Variants in CCSER1 observed in about 807,000 individuals in gnomAD.
CCSER1 encodes coiled-coil serine rich protein 1.
Under a neutral mutation model 82.0 loss-of-function variants are expected in CCSER1, and 41 were observed. That is an observed-to-expected ratio of 0.50 (90% CI 0.39 to 0.65). The LOEUF (loss-of-function observed/expected upper bound fraction) is 0.65, where lower values mean the gene tolerates loss of function less well. CCSER1 is among the 30% of genes least tolerant of loss of function. The probability of loss-of-function intolerance (pLI) is 0.00; values close to 1 mark genes in which losing one functional copy is unlikely to be tolerated. For missense variants in CCSER1, 1,119 were observed against 1,064.2 expected (o/e 1.05, Z -0.72); for synonymous variants, 414 against 383.9 (o/e 1.08, Z -0.92).
intron 10 of CCSER1, among the ~76,000 whole-genome samples, chr4:91,296,457 A>G (rs1277304245): frequency 8.9e-6 from 1 of 112,536 alleles, no homozygotes; most frequent in African/African-American, 4.0e-5. Flanking sequence ...CATTATATAT[A>G]TATATATATG....
intron 4 of CCSER1, among the ~76,000 whole-genome samples, chr4:90,405,248 C>T (rs1259355871): frequency 6.6e-6 from 1 of 151,820 alleles, no homozygotes; most frequent in Admixed American, 6.6e-5. Flanking sequence ...ATCAAACAAG[C>T]AGAAGAAAGA....
At chr4:90,391,673 A>C (rs1373323265) in intron 3 of CCSER1, among the ~76,000 whole-genome samples, 2 of 151,456 alleles carry the variant, frequency 1.3e-5, no homozygotes, top group Non-Finnish European at 2.9e-5. Flanking sequence ...CAAATTATAA[A>C]TGAGAGTTGA....
At chr4:90,563,442 C>G (rs1210284459) in intron 5 of CCSER1, among the ~76,000 whole-genome samples, 1 of 152,024 alleles carries the variant, frequency 6.6e-6, no homozygotes, top group African/African-American at 2.4e-5. Flanking sequence ...AACGTCTTCT[C>G]CCCCATCCCT....
intron 10 of CCSER1, among the ~76,000 whole-genome samples, chr4:91,322,373 T>C (rs1357098343): frequency 6.6e-6 from 1 of 152,118 alleles, no homozygotes; most frequent in Non-Finnish European, 1.5e-5. Flanking sequence ...CTCTTCCCCA[T>C]ATCCTCTTTA....
At chr4:91,367,884 T>C (rs2149320253) in intron 10 of CCSER1, among the ~76,000 whole-genome samples, 1 of 152,310 alleles carries the variant, frequency 6.6e-6, no homozygotes, top group African/African-American at 2.4e-5. Context: ...ATGTCAGTCA[T>C]TCTCAAGAAA....
chr4:90,781,987 G>GT (rs1753837114), intron 7 of CCSER1: 10 of 880,466 alleles, frequency 1.1e-5, no homozygotes, highest in Non-Finnish European at 1.4e-5. Context: ...ATAAAATGAA[G>GT]AACATTTCTA....
intron 10 of CCSER1, among the ~76,000 whole-genome samples, chr4:91,122,632 A>T (rs1424386888): frequency 6.6e-6 from 1 of 151,806 alleles, no homozygotes; most frequent in East Asian, 1.9e-4. Flanking sequence ...ATAAATATAG[A>T]TCATATTCCG....
intron 6 of CCSER1, among the ~76,000 whole-genome samples, chr4:90,643,954 A>C (rs1260380804): frequency 1.3e-5 from 2 of 152,056 alleles, no homozygotes; most frequent in Non-Finnish European, 2.9e-5. Context: ...TTTGTTGCCC[A>C]GGTTGGTTTT....
chr4:90,895,968 T>A (rs149338900), intron 8 of CCSER1, among the ~76,000 whole-genome samples: 38 of 151,984 alleles, frequency 2.5e-4, no homozygotes, highest in African/African-American at 9.2e-4. Flanking sequence ...GATACAAAAC[T>A]GGAAGAGAGA....
intron 6 of CCSER1, among the ~76,000 whole-genome samples, chr4:90,712,893 T>C (rs902973718): frequency 1.3e-5 from 2 of 148,236 alleles, no homozygotes; most frequent in Non-Finnish European, 3.0e-5. Flanking sequence ...TTATATAATG[T>C]CCTTCGTCTC....
At chr4:90,604,681 A>G (rs1020569947) in intron 5 of CCSER1, among the ~76,000 whole-genome samples, 2 of 152,280 alleles carry the variant, frequency 1.3e-5, no homozygotes, top group African/African-American at 4.8e-5. Context: ...AAAGGTTTGT[A>G]AATGCACCAA....
At chr4:91,168,809 G>A (rs1272414275) in intron 10 of CCSER1, among the ~76,000 whole-genome samples, 4 of 152,140 alleles carry the variant, frequency 2.6e-5, no homozygotes, top group Non-Finnish European at 5.9e-5. Context: ...TACTGTGTCT[G>A]TGTAGAAAGA....
chr4:90,369,567 A>G (rs1747003152), intron 3 of CCSER1, among the ~76,000 whole-genome samples: 1 of 152,054 alleles, frequency 6.6e-6, no homozygotes, highest in African/African-American at 2.4e-5. Context: ...GAAACCTTTA[A>G]CTAACAGAAT....
intron 4 of CCSER1, among the ~76,000 whole-genome samples, chr4:90,415,271 C>T (rs80097999): frequency 6.6e-6 from 1 of 152,282 alleles, no homozygotes; most frequent in East Asian, 1.9e-4. Context: ...TGCTTAGCAA[C>T]CCCCTTCAGT....
chr4:90,193,603 G>A (rs1223164246), intron 1 of CCSER1, among the ~76,000 whole-genome samples: 3 of 147,764 alleles, frequency 2.0e-5, no homozygotes, highest in South Asian at 4.2e-4. Context: ...TTTTTACTTC[G>A]TTTGTAGTTT....
At chr4:90,142,250 T>C (rs1032561202) in intron 1 of CCSER1, among the ~76,000 whole-genome samples, 10 of 152,214 alleles carry the variant, frequency 6.6e-5, no homozygotes, top group African/African-American at 2.4e-4. Context: ...ACAAAGCATA[T>C]GCATTTAATC....
intron 10 of CCSER1, among the ~76,000 whole-genome samples, chr4:91,513,689 G>T (rs531321448): frequency 5.9e-5 from 9 of 152,090 alleles, no homozygotes; most frequent in African/African-American, 1.9e-4. Flanking sequence ...ATTCAATTTT[G>T]TGAGATAGTG....
At chr4:90,148,415 G>C (rs1299582887) in intron 1 of CCSER1, among the ~76,000 whole-genome samples, 1 of 151,990 alleles carries the variant, frequency 6.6e-6, no homozygotes, top group Admixed American at 6.6e-5. Context: ...CAGTTTTTTT[G>C]CATTGTTAGT....
At chr4:91,384,888 C>T (rs1560630294) in intron 10 of CCSER1, among the ~76,000 whole-genome samples, 1 of 152,046 alleles carries the variant, frequency 6.6e-6, no homozygotes, top group African/African-American at 2.4e-5. Flanking sequence ...AGCAAAACTA[C>T]ACTGAGATAC....
Sources: allele counts gnomAD v4.1 joint callset (sites outside exome capture counted in the v4.1 genomes callset), GRCh38; gene constraint gnomAD v4.1.1; transcripts MANE v1.5; gene names NCBI Gene and HGNC (gene_info 2026-07-23, HGNC 2026-07-21).